The following SEL1L variants were observed in gnomAD, a reference collection of about 807,000 sequenced individuals.
SEL1L encodes protein sel-1 homolog 1.
In SEL1L, 52 loss-of-function variants were observed where a neutral mutation model predicts 109.8. That is an observed-to-expected ratio of 0.47 (90% CI 0.38 to 0.60). The LOEUF is 0.60. Among genes scored for constraint, SEL1L ranks in the 20% least tolerant of loss-of-function variants. The pLI is 0.00. For synonymous variants in SEL1L, 373 were observed against 339.6 expected, an observed-to-expected ratio of 1.10 and a Z score of -1.08; for missense variants, 749 against 962.2, an observed-to-expected ratio of 0.78 and a Z score of 2.93.
chr14:81,507,252 TAA>T (rs1275318301), intron 3 of SEL1L, among the ~76,000 whole-genome samples: 3 of 152,218 alleles, frequency 2.0e-5, no homozygotes, highest in East Asian at 1.9e-4. Flanking sequence ...CACATTTTAT[TAA>T]AAGAGTGGAA....
chr14:81,479,536 A>G, intron 20 of SEL1L, 76 bp downstream of exon 20: 1 of 1,470,282 alleles, frequency 6.8e-7, no homozygotes, highest in African/African-American at 1.4e-5. Flanking sequence ...TGTGCTTCTC[A>G]ACTTTTGAAA....
chr14:81,491,372 T>G (rs74984279), intron 12 of SEL1L, among the ~76,000 whole-genome samples: 15 of 152,140 alleles, frequency 9.9e-5, no homozygotes, highest in Non-Finnish European at 1.9e-4. Context: ...TATTCACATA[T>G]ATGTTAAAGA....
At position 81,486,437 on chromosome 14, in the gene SEL1L, A is replaced by G. The variant is rs747108842; in HGVS notation, c.1650T>C (p.Cys550=). 19 of 1,613,844 alleles carry G rather than the reference A, an allele frequency of 1.2e-5. No homozygotes were observed. Among genetic ancestry groups the G allele is most frequent in the Non-Finnish European group, 1.4e-5 (17 of 1,179,938 alleles). The change falls in exon 17 of 21, where the codon TGT becomes TGC. Residue 550 remains cysteine (C), a synonymous_variant. Coordinates refer to ENST00000336735, the MANE Select transcript of SEL1L (RefSeq NM_005065.6). The stretch of plus-strand genomic sequence containing the variant: ...GCCTTTCAGACCAACGGCCTCGTTC[A>G]CATACATTCTTAAACAACTGTGTGA... ...HTAVELFKNV[C]ERGRWSERLM...
At chr14:81,516,018 C>T (rs1464137801) in intron 3 of SEL1L, among the ~76,000 whole-genome samples, 1 of 152,180 alleles carries the variant, frequency 6.6e-6, no homozygotes, top group African/African-American at 2.4e-5. Flanking sequence ...GTGTGGTTTG[C>T]AAGGACACTT....
At chr14:81,499,809 A>G (rs1041981223) in intron 6 of SEL1L, 147 bp from the exon 7 acceptor site, 1 of 498,078 alleles carries the variant, frequency 2.0e-6, no homozygotes, top group Admixed American at 3.9e-5. Context: ...ACAAACATGG[A>G]TTAAAGAGCC....
intron 12 of SEL1L, 144 bp downstream of exon 12, chr14:81,492,336 A>G (rs1412886250): frequency 1.2e-5 from 8 of 684,208 alleles, no homozygotes; most frequent in Non-Finnish European, 2.0e-5. Context: ...ATGCCTCAGA[A>G]CAGCACTTTA....
chr14:81,480,440 C>T (rs1903316609), intron 19 of SEL1L, among the ~76,000 whole-genome samples: 1 of 152,222 alleles, frequency 6.6e-6, no homozygotes, highest in Non-Finnish European at 1.5e-5. Context: ...CCGCCCGCCT[C>T]AGCCTCCCAA....
Position 81,483,759 on chromosome 14 carries a change from G to A in SEL1L, c.2046+466C>T, listed in dbSNP as rs189325270. On this transcript the variant is annotated intron_variant, in intron 19 of 20. Coordinates refer to ENST00000336735, the MANE Select transcript of SEL1L (RefSeq NM_005065.6). ...AATGCCAACTTAAAAATGTACAAGGGGGTCTGTAGTTTTTCCAAATTCTTT... is the reference window on the plus strand; with the variant it reads ...AATGCCAACTTAAAAATGTACAAGGAGGTCTGTAGTTTTTCCAAATTCTTT... Among the ~76,000 whole-genome samples the A allele has an allele frequency of 5.8e-3, 886 of 152,186 alleles. 10 individuals carry two copies. Among genetic ancestry groups the A allele is most frequent in the Non-Finnish European group, 9.2e-3 (629 of 68,000 alleles).
At chr14:81,491,552 A>G (rs550977778) in intron 12 of SEL1L, among the ~76,000 whole-genome samples, 23 of 152,304 alleles carry the variant, frequency 1.5e-4, no homozygotes, top group Non-Finnish European at 2.8e-4. Flanking sequence ...CACCCCAATT[A>G]CTAGTATGAT....
At chr14:81,505,599 C>G (rs998321922) in intron 4 of SEL1L, among the ~76,000 whole-genome samples, 2 of 152,270 alleles carry the variant, frequency 1.3e-5, no homozygotes, top group South Asian at 4.1e-4. Flanking sequence ...CTGAAAATAG[C>G]TTTCCTTAGA....
In SEL1L at chr14:81,473,666, A is replaced by T. The variant is rs993558922; in HGVS notation, c.*3306T>A. The T allele has an allele frequency of 6.6e-6, 1 of 152,162 alleles. No individual in the cohort carries two copies. The highest frequency in any genetic ancestry group is 6.6e-5 in the Admixed American group (1 of 15,264). 9.4% of individuals were successfully genotyped at this position (152,162 alleles called of 1,614,324 possible). On this transcript the variant is annotated 3_prime_UTR_variant, in exon 21 of 21. Transcript: ENST00000336735. ...CTTGGCAGGTAAAGGGGCTGTTTTC[A>T]TGACACATCTTGTTTTGAAATGTGC...
chr14:81,515,480 CA>C (rs1884664280), intron 3 of SEL1L, among the ~76,000 whole-genome samples: 1 of 152,202 alleles, frequency 6.6e-6, no homozygotes, highest in African/African-American at 2.4e-5. Context: ...AAGAAAGGGA[CA>C]AATTCCCTAC....
intron 3 of SEL1L, among the ~76,000 whole-genome samples, chr14:81,513,391 C>T (rs557489967): frequency 3.3e-5 from 5 of 152,232 alleles, no homozygotes; most frequent in South Asian, 4.2e-4. Flanking sequence ...ACACTCACTG[C>T]GAAGGTCTGC....
chr14:81,478,268 G>T (rs1252703571), intron 20 of SEL1L, among the ~76,000 whole-genome samples: 4 of 152,130 alleles, frequency 2.6e-5, no homozygotes, highest in Non-Finnish European at 5.9e-5. Flanking sequence ...GTTCTCTGGG[G>T]AAGAATCTGG....
intron 17 of SEL1L, 93 bp from the exon 18 acceptor site, chr14:81,485,839 TA>T: frequency 1.0e-6 from 1 of 972,748 alleles, no homozygotes; most frequent in Non-Finnish European, 1.6e-6. Flanking sequence ...AGGTGAAGCA[TA>T]AGTTAAACAA....
At chr14:81,532,198 G>A (rs1310053054) in intron 1 of SEL1L, among the ~76,000 whole-genome samples, 2 of 152,162 alleles carry the variant, frequency 1.3e-5, no homozygotes, top group Non-Finnish European at 2.9e-5. Flanking sequence ...TTTAAACTCT[G>A]CCAATTAAAT....
chr14:81,477,588 G>C (rs1903206754), intron 20 of SEL1L, among the ~76,000 whole-genome samples: 1 of 152,160 alleles, frequency 6.6e-6, no homozygotes, highest in African/African-American at 2.4e-5. Flanking sequence ...CGAGGTGAGT[G>C]TATCACTTGA....
In SEL1L at chr14:81,509,293, C is replaced by A. The variant is rs77442891; in HGVS notation, c.341-3052G>T. Among the ~76,000 whole-genome samples, 412 of 152,274 alleles carry A rather than the reference C, an allele frequency of 2.7e-3. 7 individuals carry two copies. In the East Asian group the frequency reaches 0.061, roughly 22 times the overall value. ...AAAGCCATCCTTTTAAAAACCTCCA[C>A]CAGAAGAGTATCAATTTTAAAAACA... On this transcript the variant is annotated intron_variant, in intron 3 of 20. Coordinates refer to ENST00000336735, the MANE Select transcript of SEL1L (RefSeq NM_005065.6).
intron 10 of SEL1L, among the ~76,000 whole-genome samples, chr14:81,497,157 A>T (rs1352780549): frequency 6.6e-6 from 1 of 152,238 alleles, no homozygotes; most frequent in Non-Finnish European, 1.5e-5. Flanking sequence ...AGTTTATTAT[A>T]ATTTCTATCA....
Sources: allele counts gnomAD v4.1 joint callset (sites outside exome capture counted in the v4.1 genomes callset), GRCh38; gene constraint gnomAD v4.1.1; transcripts MANE v1.5; gene names NCBI Gene and HGNC (gene_info 2026-07-23, HGNC 2026-07-21).